Variants in SLC9A7 observed in about 807,000 individuals in gnomAD.
SLC9A7 encodes the protein solute carrier family 9 member A7.
Under a neutral mutation model 52.6 loss-of-function variants are expected in SLC9A7, and 19 were observed. The ratio of observed to expected loss-of-function variants is 0.36; its 90% confidence interval spans 0.25 to 0.53. The LOEUF is 0.53. Among genes scored for constraint, SLC9A7 ranks in the 20% least tolerant of loss-of-function variants. The pLI is 0.91. For missense variants in SLC9A7, 455 were observed against 597.9 expected (o/e 0.76, Z 2.49); for synonymous variants, 226 against 252.1 (o/e 0.90, Z 0.98).
chrX:46,671,406 G>A (rs1036958068), intron 4 of SLC9A7, among the ~76,000 whole-genome samples: 5 of 108,222 alleles, frequency 4.6e-5, no homozygotes, highest in African/African-American at 1.0e-4. Context: ...GACTACAGGC[G>A]CCCGCCACCA....
At chrX:46,638,439 T>C (rs1943354600) in intron 12 of SLC9A7, among the ~76,000 whole-genome samples, 2 of 111,669 alleles carry the variant, frequency 1.8e-5, no homozygotes, top group African/African-American at 6.5e-5. Flanking sequence ...AGAAAAACAA[T>C]ACAGAAAATC....
intron 7 of SLC9A7, among the ~76,000 whole-genome samples, chrX:46,658,767 G>C (rs1192485780): frequency 1.8e-5 from 2 of 111,238 alleles, no homozygotes; most frequent in Non-Finnish European, 3.8e-5. Context: ...GGACCAGATG[G>C]ATTCACAGCC....
intron 1 of SLC9A7, among the ~76,000 whole-genome samples, chrX:46,732,508 G>A (rs1029939237): frequency 9.2e-6 from 1 of 108,640 alleles, no homozygotes; most frequent in South Asian, 4.1e-4. Flanking sequence ...AGCCAAGATC[G>A]TACCACTGCA....
At chrX:46,653,228 T>C (rs1377755889) in intron 8 of SLC9A7, among the ~76,000 whole-genome samples, 1 of 110,450 alleles carries the variant, frequency 9.1e-6, no homozygotes, top group African/African-American at 3.3e-5. Flanking sequence ...ATGTTGTCCA[T>C]CTCTACAAAG....
At chrX:46,624,842 CTTA>C (rs1943099320) in intron 14 of SLC9A7, among the ~76,000 whole-genome samples, 1 of 112,243 alleles carries the variant, frequency 8.9e-6, no homozygotes, top group Non-Finnish European at 1.9e-5. Flanking sequence ...ACCAACCCTG[CTTA>C]TTATCATTTT....
chrX:46,730,670 T>TAA (rs1491295251), intron 1 of SLC9A7, among the ~76,000 whole-genome samples: 46 of 42,917 alleles, frequency 1.1e-3, no homozygotes, highest in African/African-American at 2.9e-3. Context: ...AAAAAAAAAA[T>TAA]TATATATATA....
chrX:46,742,578 C>A (rs1921437735), intron 1 of SLC9A7, among the ~76,000 whole-genome samples: 1 of 112,015 alleles, frequency 8.9e-6, no homozygotes, highest in South Asian at 3.7e-4. Flanking sequence ...GTGATGGAGA[C>A]TAGATCAGTG....
intron 1 of SLC9A7, among the ~76,000 whole-genome samples, chrX:46,738,760 A>G (rs1377233520): frequency 2.9e-5 from 3 of 105,123 alleles, no homozygotes; most frequent in Non-Finnish European, 5.8e-5. Context: ...ACAGAGCAAG[A>G]CTCCATCTCA....
At chrX:46,741,958 C>T (rs1257070426) in intron 1 of SLC9A7, among the ~76,000 whole-genome samples, 2 of 110,659 alleles carry the variant, frequency 1.8e-5, no homozygotes, top group Non-Finnish European at 3.8e-5. Flanking sequence ...AACAACAGTA[C>T]AATTTAAAAA....
At position 46,608,835 on chromosome X, in the gene SLC9A7, G is replaced by A. The variant is rs76120912; in HGVS notation, c.1930-1632C>T. Among the ~76,000 whole-genome samples the A allele has an allele frequency of 2.3e-3, 252 of 110,538 alleles. No homozygotes were observed. In the East Asian group the frequency reaches 0.025, roughly 11 times the overall value. On this transcript the variant is annotated intron_variant, in intron 16 of 16. Transcript: ENST00000616978. ...TAATTTTTGTATTTTTAGTAGAGAT[G>A]GAATTTCACCACGTTGGTCAGGCTA...
chrX:46,642,988 C>T (rs1013785856), intron 12 of SLC9A7, among the ~76,000 whole-genome samples: 1 of 111,964 alleles, frequency 8.9e-6, no homozygotes, highest in Middle Eastern at 4.6e-3. Flanking sequence ...AAGATCCAGG[C>T]ACTTCTCATT....
intron 1 of SLC9A7, among the ~76,000 whole-genome samples, chrX:46,731,432 T>TATATAAAAAAAAAAAAAAAAAAAAAAAAA: frequency 1.3e-5 from 1 of 78,275 alleles, no homozygotes; most frequent in African/African-American, 4.0e-5. Context: ...TATAAAAAAT[T>TATATAAAAAAAAAAAAAAAAAAAAAAAAA]AAAAAAAATT....
intron 1 of SLC9A7, among the ~76,000 whole-genome samples, chrX:46,722,453 T>C: frequency 8.9e-6 from 1 of 112,257 alleles, no homozygotes; most frequent in East Asian, 2.8e-4. Context: ...AGTTGAGTTC[T>C]TCATGTACAA....
intron 1 of SLC9A7, among the ~76,000 whole-genome samples, chrX:46,733,205 TA>T (rs1220116687): frequency 8.9e-6 from 1 of 111,756 alleles, no homozygotes; most frequent in African/African-American, 3.3e-5. Flanking sequence ...TCAACATTTT[TA>T]AAATATTGGC....
chrX:46,733,965 A>T (rs886279263), intron 1 of SLC9A7, among the ~76,000 whole-genome samples: 1 of 112,253 alleles, frequency 8.9e-6, no homozygotes, highest in Non-Finnish European at 1.9e-5. Context: ...CACACTGGGG[A>T]AAAAACCAAG....
At chrX:46,676,020 C>T (rs938913869) in intron 3 of SLC9A7, among the ~76,000 whole-genome samples, 2 of 112,183 alleles carry the variant, frequency 1.8e-5, no homozygotes, top group African/African-American at 6.5e-5. Context: ...TTCTCCACAC[C>T]TTGCCTTATG....
At chrX:46,610,900 G>T (rs147014254) in intron 16 of SLC9A7, among the ~76,000 whole-genome samples, 58 of 112,389 alleles carry the variant, frequency 5.2e-4, no homozygotes, top group African/African-American at 1.8e-3. Context: ...TTTAATAGTG[G>T]ATTTGTTGTT....
chrX:46,733,650 A>G (rs1414995872), intron 1 of SLC9A7, among the ~76,000 whole-genome samples: 3 of 102,326 alleles, frequency 2.9e-5, no homozygotes. Flanking sequence ...AAGTTTCAAT[A>G]TTTTACTGGA....
chrX:46,662,527 C>G lies in SLC9A7; in HGVS notation c.899+11G>C, dbSNP rs749944048. On this transcript the variant is annotated intron_variant, in intron 6 of 16. Transcript: ENST00000616978. Reference sequence around the variant, plus strand: ...GGGTGTCTCTTCTCCAGCAGAAACACTGCTACTTACGAGGACAGTACAATG... The same window carrying G: ...GGGTGTCTCTTCTCCAGCAGAAACAGTGCTACTTACGAGGACAGTACAATG... The G allele has an allele frequency of 8.5e-7, 1 of 1,174,768 alleles. No individual in the cohort carries two copies.
Sources: gnomAD v4.1 joint callset for allele counts (sites outside exome capture counted in the v4.1 genomes callset) on GRCh38, gnomAD v4.1.1 for gene constraint, MANE v1.5 for transcripts, NCBI Gene and HGNC (gene_info 2026-07-23, HGNC 2026-07-21) for gene names.